Variants in NRG3 observed in about 807,000 individuals in gnomAD.
NRG3 encodes the protein neuregulin 3, also known as pro-neuregulin-3, membrane-bound isoform.
Under a neutral mutation model 66.9 loss-of-function variants are expected in NRG3, and 31 were observed. The ratio of observed to expected loss-of-function variants is 0.46; its 90% CI spans 0.35 to 0.63. NRG3 has a LOEUF of 0.63. Ranked by LOEUF, NRG3 falls within the 20% of genes least tolerant of loss-of-function variation. NRG3 has a pLI of 0.00. For missense variants in NRG3, 910 were observed against 878.9 expected (o/e 1.04, Z -0.45); for synonymous variants, 393 against 359.4 (o/e 1.09, Z -1.06).
chr10:82,465,929 G>C (rs1840631448), intron 2 of NRG3, among the ~76,000 whole-genome samples: 1 of 152,160 alleles, frequency 6.6e-6, no homozygotes, highest in African/African-American at 2.4e-5. Flanking sequence ...TCAGGGAACA[G>C]TCGTTGCTTC....
At chr10:82,392,542 A>C (rs188501084) in intron 2 of NRG3, among the ~76,000 whole-genome samples, 1 of 152,308 alleles carries the variant, frequency 6.6e-6, no homozygotes, top group Admixed American at 6.5e-5. Context: ...GTCTGTATAA[A>C]TTGCTAAGCA....
chr10:82,382,852 G>A (rs773716590), intron 2 of NRG3, among the ~76,000 whole-genome samples: 9 of 152,014 alleles, frequency 5.9e-5, no homozygotes, highest in Admixed American at 1.3e-4. Context: ...TTCATATGGT[G>A]TATTAAACTA....
At chr10:82,428,429 A>AT (rs904289229) in intron 2 of NRG3, among the ~76,000 whole-genome samples, 2 of 150,688 alleles carry the variant, frequency 1.3e-5, no homozygotes, top group African/African-American at 4.9e-5. Context: ...CCCCTTGTGA[A>AT]TTTTTTTCCT....
At chr10:82,512,322 G>T (rs1030845967) in intron 2 of NRG3, among the ~76,000 whole-genome samples, 2 of 151,000 alleles carry the variant, frequency 1.3e-5, no homozygotes, top group Non-Finnish European at 2.9e-5. Flanking sequence ...GTTTCACTCT[G>T]TTGCCCAGGC....
chr10:82,810,782 G>A (rs1329623466), intron 3 of NRG3, among the ~76,000 whole-genome samples: 2 of 149,964 alleles, frequency 1.3e-5, no homozygotes, highest in Non-Finnish European at 3.0e-5. Context: ...AATAGTCCAA[G>A]CCAGTGATGC....
intron 1 of NRG3, among the ~76,000 whole-genome samples, chr10:82,126,341 T>C (rs111253957): frequency 2.6e-5 from 4 of 152,184 alleles, no homozygotes; most frequent in African/African-American, 9.6e-5. Flanking sequence ...TCTACAAACA[T>C]GTAGAACAAA....
intron 3 of NRG3, among the ~76,000 whole-genome samples, chr10:82,759,825 A>T (rs567979457): frequency 1.3e-5 from 2 of 152,264 alleles, no homozygotes; most frequent in Non-Finnish European, 2.9e-5. Context: ...ATTGAAATCC[A>T]TTATAATAAT....
chr10:82,986,088 A>G lies in NRG3; in HGVS notation c.*483A>G, dbSNP rs1370717115. 6.5e-6 allele frequency: 1 copy of G among 154,606 alleles called. No homozygotes were observed. Among genetic ancestry groups the G allele is most frequent in the East Asian group, 1.9e-4 (1 of 5,196 alleles). The allele number at this position is 154,606 out of a possible 1,614,324, so 9.6% of individuals were successfully genotyped here. ...CAGGTTATGTCATGTCGACACATGT[A>G]GTGTTTTCTATTTGATTTTTGGAGA... On this transcript the variant is annotated 3_prime_UTR_variant, in exon 9 of 9. Coordinates refer to ENST00000372141, the MANE Select transcript of NRG3 (RefSeq NM_001010848.4).
intron 1 of NRG3, among the ~76,000 whole-genome samples, chr10:82,138,903 A>T (rs961452606): frequency 6.6e-6 from 1 of 152,036 alleles, no homozygotes. Flanking sequence ...TGGGCAGCTG[A>T]TTAGATTGTG....
At chr10:82,373,475 C>A (rs1309144681) in intron 2 of NRG3, among the ~76,000 whole-genome samples, 1 of 152,166 alleles carries the variant, frequency 6.6e-6, no homozygotes, top group African/African-American at 2.4e-5. Flanking sequence ...GCAGGTGGAT[C>A]CCAATGACCC....
intron 2 of NRG3, among the ~76,000 whole-genome samples, chr10:82,687,385 C>T (rs960652721): frequency 6.6e-6 from 1 of 152,088 alleles, no homozygotes; most frequent in African/African-American, 2.4e-5. Context: ...ACCTTTGTTT[C>T]CTCAACCATC....
intron 2 of NRG3, among the ~76,000 whole-genome samples, chr10:82,686,590 C>G (rs1362578300): frequency 1.3e-5 from 2 of 152,196 alleles, no homozygotes; most frequent in Admixed American, 1.3e-4. Flanking sequence ...ATCGTGACGA[C>G]CATGTCACTA....
At chr10:82,653,493 A>T (rs1591034567) in intron 2 of NRG3, among the ~76,000 whole-genome samples, 1 of 152,210 alleles carries the variant, frequency 6.6e-6, no homozygotes, top group Non-Finnish European at 1.5e-5. Flanking sequence ...CATTTGACTA[A>T]CAAGTCCCAA....
intron 1 of NRG3, among the ~76,000 whole-genome samples, chr10:81,963,535 A>T (rs897142635): frequency 1.3e-5 from 2 of 152,210 alleles, no homozygotes; most frequent in Non-Finnish European, 2.9e-5. Context: ...CTAAACATAC[A>T]TACATGTATT....
intron 1 of NRG3, among the ~76,000 whole-genome samples, chr10:82,008,256 T>A (rs1336424704): frequency 6.6e-6 from 1 of 152,166 alleles, no homozygotes; most frequent in Non-Finnish European, 1.5e-5. Context: ...TAATACATAG[T>A]TTGGAAGGTC....
intron 2 of NRG3, among the ~76,000 whole-genome samples, chr10:82,664,388 G>A (rs561542401): frequency 1.3e-5 from 2 of 152,174 alleles, no homozygotes; most frequent in South Asian, 4.2e-4. Context: ...ACACACTTCC[G>A]AGACTGTTTT....
chr10:82,265,070 G>A (rs2078227026), intron 1 of NRG3, among the ~76,000 whole-genome samples: 1 of 152,164 alleles, frequency 6.6e-6, no homozygotes. Context: ...TGTATGTAGT[G>A]CCAGAGATGT....
At chr10:82,305,922 C>T (rs2080697995) in intron 1 of NRG3, among the ~76,000 whole-genome samples, 1 of 152,198 alleles carries the variant, frequency 6.6e-6, no homozygotes, top group South Asian at 2.1e-4. Context: ...TTCTTCTTCT[C>T]ACCCTAGTGG....
At chr10:82,462,425 G>T (rs920740673) in intron 2 of NRG3, among the ~76,000 whole-genome samples, 2 of 151,826 alleles carry the variant, frequency 1.3e-5, no homozygotes, top group African/African-American at 4.8e-5. Context: ...TTACTCATAA[G>T]AAATTTAAAA....
Sources: allele counts gnomAD v4.1 joint callset (sites outside exome capture counted in the v4.1 genomes callset), GRCh38; gene constraint gnomAD v4.1.1; transcripts MANE v1.5; gene names NCBI Gene and HGNC (gene_info 2026-07-23, HGNC 2026-07-21).